The following AREL1 variants were observed in gnomAD, a reference collection of about 807,000 sequenced individuals.
AREL1 encodes apoptosis resistant E3 ubiquitin protein ligase 1.
A neutral mutation model predicts 99.0 loss-of-function variants in AREL1; 62 were observed. The observed-to-expected ratio is 0.63, with a 90% confidence interval of 0.51 to 0.77. The LOEUF (loss-of-function observed/expected upper bound fraction) is 0.77, where lower values mean the gene tolerates loss of function less well. AREL1 is among the 30% of genes least tolerant of loss of function. The pLI, the probability that AREL1 is intolerant of heterozygous loss-of-function variation, is 0.00. For missense variants in AREL1, 879 were observed against 1,027.6 expected (o/e 0.86, Z 1.98); for synonymous variants, 380 against 376.5 (o/e 1.01, Z -0.11).
intron 1 of AREL1, among the ~76,000 whole-genome samples, chr14:74,709,284 G>C (rs976683057): frequency 6.6e-6 from 1 of 151,986 alleles, no homozygotes; most frequent in Non-Finnish European, 1.5e-5. Context: ...TAAATAAAAG[G>C]TAAAATGATA....
chr14:74,668,681 T>A (rs1367655603), intron 15 of AREL1, among the ~76,000 whole-genome samples: 2 of 152,116 alleles, frequency 1.3e-5, no homozygotes, highest in Non-Finnish European at 2.9e-5. Context: ...AATCCCATAA[T>A]TTCCAGAAAG....
At position 74,662,666 on chromosome 14, in the gene AREL1, C is replaced by T. The variant is rs2089110271; in HGVS notation, c.*1054G>A. The T allele has an allele frequency of 7.5e-6, 3 of 398,386 alleles. No homozygotes were observed. Among genetic ancestry groups the T allele is most frequent in the Non-Finnish European group, 8.8e-6 (2 of 226,038 alleles). The allele number at this position is 398,386 out of a possible 1,614,324, so 24.7% of individuals were successfully genotyped here. A position where few individuals can be genotyped will look rare whatever the true frequency, so the allele number is the denominator to read the frequency against. On this transcript the variant is annotated 3_prime_UTR_variant, in exon 20 of 20. Coordinates refer to ENST00000356357, the MANE Select transcript of AREL1 (RefSeq NM_001039479.2). The stretch of plus-strand genomic sequence containing the variant: ...CACCTCCATGTTCATCCCTAGTGTC[C>T]TGACGCCAAGGACCTGTGATAAGCA...
chr14:74,684,433 G>A lies in AREL1; in HGVS notation c.243+21C>T. On this transcript the variant is annotated intron_variant, in intron 4 of 19. Transcript: ENST00000356357. ...TTACTCAGAAACCCCAATGGGTATG[G>A]AGACAGAAACATTCCCTTACATGCA... is the stretch of plus-strand genomic sequence containing the variant. 3 of 1,610,806 alleles carry A rather than the reference G, an allele frequency of 1.9e-6. No individual in the cohort carries two copies. The East Asian group carries it at 6.7e-5, about 36-fold the overall frequency.
rs755202816 is a variant in AREL1 at position 74,675,859 on chromosome 14, C to T, written c.920G>A (p.Cys307Tyr). The T allele has an allele frequency of 1.7e-5, 28 of 1,614,014 alleles. No homozygotes were observed. Among genetic ancestry groups the T allele is most frequent in the African/African-American group, 4.0e-5 (3 of 74,924 alleles). ...TGGCAGGTGCCATGGAGTGCTGCTA[C>T]AGTTGGTAGCATTATAAAGATAAGC... ...FEAYLYNATN[C>Y]SSTPWHLPPM... Residue 307 changes from cysteine (C) to tyrosine (Y), a missense_variant, in exon 8 of 20, where the codon TGT (cysteine) becomes TAT (tyrosine). Physicochemically the swap from Cys to Tyr is radical, Grantham distance 194. Transcript: ENST00000356357.
At chr14:74,683,981 A>G (rs113016558) in intron 4 of AREL1, among the ~76,000 whole-genome samples, 73 of 152,322 alleles carry the variant, frequency 4.8e-4, no homozygotes, top group African/African-American at 1.7e-3. Flanking sequence ...TTAATGCTAC[A>G]GTGGAGAAGT....
intron 1 of AREL1, among the ~76,000 whole-genome samples, chr14:74,711,785 T>C (rs151122439): frequency 2.0e-5 from 3 of 152,208 alleles, no homozygotes; most frequent in Non-Finnish European, 4.4e-5. Context: ...GCAGATAGAT[T>C]AACTCACCCA....
intron 1 of AREL1, among the ~76,000 whole-genome samples, chr14:74,699,264 T>C (rs1299821405): frequency 6.6e-6 from 1 of 152,130 alleles, no homozygotes; most frequent in African/African-American, 2.4e-5. Context: ...CTCTGGATAC[T>C]TGGATTTCCT....
chr14:74,687,719 GT>G (rs2089778836), intron 2 of AREL1, among the ~76,000 whole-genome samples: 4 of 152,158 alleles, frequency 2.6e-5, no homozygotes, highest in Non-Finnish European at 4.4e-5. Flanking sequence ...GCAGCCTACA[GT>G]AGTGCCTGGC....
chr14:74,675,842 G>A lies in AREL1; in HGVS notation c.937C>T (p.His313Tyr), dbSNP rs2089458608. Reference protein sequence around the residue: ...NATNCSSTPWHLPPMHMTSSQ... With the variant: ...NATNCSSTPWYLPPMHMTSSQ... ...GAGGTCATGTGCATGGGTGGCAGGT[G>A]CCATGGAGTGCTGCTACAGTTGGTA... The change falls in exon 8 of 20, where the codon CAC (histidine) becomes TAC (tyrosine). Residue 313 changes from histidine (H) to tyrosine (Y), a missense_variant. By Grantham distance (83) the His-to-Tyr change is moderately conservative. Transcript: ENST00000356357. 2 of 1,614,092 alleles carry A rather than the reference G, an allele frequency of 1.2e-6. No homozygotes were observed. The highest frequency in any genetic ancestry group is 3.3e-5 in the Admixed American group (2 of 60,008).
intron 1 of AREL1, among the ~76,000 whole-genome samples, chr14:74,704,341 T>C (rs2090138178): frequency 6.6e-6 from 1 of 152,110 alleles, no homozygotes; most frequent in Non-Finnish European, 1.5e-5. Flanking sequence ...CCCAAGGTGG[T>C]TGGGGCACAG....
chr14:74,691,959 T>C (rs2089890860), intron 2 of AREL1, 82 bp downstream of exon 2: 2 of 274,084 alleles, frequency 7.3e-6, no homozygotes, highest in South Asian at 6.5e-5. Context: ...AGCTATCCCT[T>C]GCTGAAAAGG....
At position 74,673,097 on chromosome 14, in the gene AREL1, C is replaced by A. The variant is rs186631279; in HGVS notation, c.1280G>T (p.Arg427Leu). Residue 427 changes from arginine to leucine, a missense_variant, in exon 10 of 20, where the codon CGC becomes CTC. Arg to Leu is a moderately radical substitution (Grantham distance 102). Coordinates refer to ENST00000356357, the MANE Select transcript of AREL1 (RefSeq NM_001039479.2). ...ERNILAATFI[R>L]SLHKNIGGSE... Reference sequence around the variant, plus strand: ...CTCACCTATGTTCTTATGCAGGGAGCGGATAAAAGTGGCTGCTAGAATGTT... The same window carrying A: ...CTCACCTATGTTCTTATGCAGGGAGAGGATAAAAGTGGCTGCTAGAATGTT... The A allele has an allele frequency of 3.7e-6, 6 of 1,614,086 alleles. No individual in the cohort carries two copies. The highest frequency in any genetic ancestry group is 3.3e-5 in the South Asian group (3 of 91,078).
intron 1 of AREL1, among the ~76,000 whole-genome samples, chr14:74,706,744 G>A (rs1259385056): frequency 6.6e-6 from 1 of 152,156 alleles, no homozygotes; most frequent in Admixed American, 6.5e-5. Flanking sequence ...TAAAAGCTTA[G>A]TAAAGAAGAC....
chr14:74,674,930 C>G (rs181130814), intron 8 of AREL1, among the ~76,000 whole-genome samples: 194 of 152,088 alleles, frequency 1.3e-3, no homozygotes, highest in African/African-American at 4.4e-3. Flanking sequence ...GGGGAAGGTC[C>G]TCACACAAAA....
Position 74,677,079 on chromosome 14 carries a change from G to C in AREL1, c.482-327C>G, listed in dbSNP as rs145528466. Among the ~76,000 whole-genome samples, 1,519 of 151,956 alleles carry C rather than the reference G, an allele frequency of 1.0e-2. 29 individuals carry two copies. The highest frequency in any genetic ancestry group is 0.034 in the African/African-American group (1,415 of 41,444). ...CTCCCAAAGTGCTGGGATTACAGGCGTGAGCCACCACGCCCGGCTGGAATC... is the reference window on the plus strand; with the variant it reads ...CTCCCAAAGTGCTGGGATTACAGGCCTGAGCCACCACGCCCGGCTGGAATC... On this transcript the variant is annotated intron_variant, in intron 5 of 19. Transcript: ENST00000356357.
At chr14:74,678,137 A>G (rs2089536266) in intron 5 of AREL1, 1 of 448,768 alleles carries the variant, frequency 2.2e-6, no homozygotes, top group Non-Finnish European at 4.4e-6. Context: ...CTAGAATACT[A>G]AAACAATTTT....
intron 1 of AREL1, among the ~76,000 whole-genome samples, chr14:74,700,130 A>C (rs1373596073): frequency 6.6e-6 from 1 of 152,270 alleles, no homozygotes; most frequent in African/African-American, 2.4e-5. Context: ...TGGATTTTCC[A>C]GTGTTCTCTG....
chr14:74,705,015 T>G (rs1385606321), intron 1 of AREL1, among the ~76,000 whole-genome samples: 1 of 152,144 alleles, frequency 6.6e-6, no homozygotes, highest in Non-Finnish European at 1.5e-5. Flanking sequence ...CACATTACCA[T>G]GCACTATTTA....
chr14:74,679,746 T>C (rs2089585597), intron 5 of AREL1, among the ~76,000 whole-genome samples: 1 of 150,342 alleles, frequency 6.7e-6, no homozygotes, highest in African/African-American at 2.5e-5. Flanking sequence ...GAGAATTGCT[T>C]GAACATGGGA....
Sources: allele counts gnomAD v4.1 joint callset (sites outside exome capture counted in the v4.1 genomes callset), GRCh38; gene constraint gnomAD v4.1.1; transcripts MANE v1.5; gene names NCBI Gene and HGNC (gene_info 2026-07-23, HGNC 2026-07-21).